The following ZNF490 variants were observed in gnomAD, a reference collection of about 807,000 sequenced individuals.
ZNF490 encodes zinc finger protein 490.
ZNF490 carries 11 observed loss-of-function variants against 17.7 expected under a neutral mutation model. The observed-to-expected ratio is 0.62, with a 90% CI of 0.39 to 1.03. ZNF490 has a LOEUF of 1.03. Among genes scored for constraint, ZNF490 ranks in the 50% least tolerant of loss-of-function variants. The probability of loss-of-function intolerance (pLI) is 0.00; values close to 1 mark genes in which losing one functional copy is unlikely to be tolerated. For synonymous variants in ZNF490, 222 were observed against 216.1 expected (o/e 1.03, Z -0.24); for missense variants, 542 against 643.4 (o/e 0.84, Z 1.71).
At chr19:12,599,328 T>G (rs2022975006) in intron 2 of ZNF490, among the ~76,000 whole-genome samples, 2 of 151,730 alleles carry the variant, frequency 1.3e-5, no homozygotes, top group Admixed American at 6.6e-5. Context: ...AAGAGGGATG[T>G]TTAGGACAAG....
chr19:12,609,248 G>T, intron 1 of ZNF490, 46 bp from the exon 2 acceptor site: 3 of 1,563,886 alleles, frequency 1.9e-6, no homozygotes, highest in South Asian at 2.2e-5. Context: ...CAGCAATTTA[G>T]AACTAAACAT....
chr19:12,608,149 T>G (rs1326833275), intron 2 of ZNF490, among the ~76,000 whole-genome samples: 1 of 152,170 alleles, frequency 6.6e-6, no homozygotes, highest in Non-Finnish European at 1.5e-5. Context: ...AGGGAACTGA[T>G]AGCAATGACA....
At chr19:12,597,031 G>T (rs2022942585) in intron 2 of ZNF490, 3 of 441,950 alleles carry the variant, frequency 6.8e-6, no homozygotes, top group South Asian at 4.7e-5. Flanking sequence ...TGCCGGCCCA[G>T]CCCCACGCTG....
rs1174101744 is a variant in ZNF490, at chr19:12,595,523, C to T, written c.163-11967G>A. ...TTGTGCCCTTCCTTCTTTAATCTTTCTCTGTTTTGTTTCTGTGGTCACTTG... is the reference window on the plus strand; with the variant it reads ...TTGTGCCCTTCCTTCTTTAATCTTTTTCTGTTTTGTTTCTGTGGTCACTTG... On this transcript the variant is annotated intron_variant, in intron 2 of 4. Transcript: ENST00000311437. Among the ~76,000 whole-genome samples the T allele has an allele frequency of 1.5e-4, 22 of 151,474 alleles. No homozygotes were observed. The East Asian group carries it at 3.7e-3, about 25-fold the overall frequency.
At chr19:12,589,044 A>G (rs2022835358) in intron 2 of ZNF490, among the ~76,000 whole-genome samples, 1 of 152,184 alleles carries the variant, frequency 6.6e-6, no homozygotes, top group African/African-American at 2.4e-5. Context: ...ATAACAGGCC[A>G]GGTATGGTGG....
chr19:12,582,202 G>C (rs2022744949), intron 4 of ZNF490, among the ~76,000 whole-genome samples: 1 of 151,546 alleles, frequency 6.6e-6, no homozygotes, highest in Admixed American at 6.6e-5. Flanking sequence ...CGCCCAGCCA[G>C]GATTTTTAAA....
At chr19:12,609,484 C>T (rs1461181064) in intron 1 of ZNF490, among the ~76,000 whole-genome samples, 2 of 152,074 alleles carry the variant, frequency 1.3e-5, no homozygotes, top group Non-Finnish European at 2.9e-5. Context: ...AAACTCTTAG[C>T]CTTGAGATCC....
chr19:12,609,848 G>T (rs2023122708), intron 1 of ZNF490: 2 of 431,168 alleles, frequency 4.6e-6, no homozygotes, highest in African/African-American at 2.1e-5. Context: ...ACAGAGAGGG[G>T]GGATGAGGGA....
At chr19:12,596,335 G>T (rs141041018) in intron 2 of ZNF490, among the ~76,000 whole-genome samples, 2 of 150,502 alleles carry the variant, frequency 1.3e-5, no homozygotes, top group African/African-American at 4.9e-5. Flanking sequence ...AATCTGTTTA[G>T]ATAAGGAATT....
intron 2 of ZNF490, among the ~76,000 whole-genome samples, chr19:12,589,199 A>G (rs1356816744): frequency 6.6e-6 from 1 of 152,108 alleles, no homozygotes; most frequent in East Asian, 1.9e-4. Context: ...GTACTCTAAA[A>G]TACAAAAATT....
At chr19:12,589,202 C>G (rs1307068587) in intron 2 of ZNF490, among the ~76,000 whole-genome samples, 2 of 151,720 alleles carry the variant, frequency 1.3e-5, no homozygotes, top group African/African-American at 4.8e-5. Flanking sequence ...CTCTAAAATA[C>G]AAAAATTAGC....
chr19:12,598,176 A>G (rs1015794686), intron 2 of ZNF490, among the ~76,000 whole-genome samples: 1 of 151,764 alleles, frequency 6.6e-6, no homozygotes, highest in African/African-American at 2.4e-5. Flanking sequence ...GTGAGCCAAG[A>G]TCGCGCCACT....
In ZNF490 at chr19:12,578,134, G is replaced by A; in HGVS notation, c.*2351C>T. The A allele has an allele frequency of 1.0e-6, 1 of 985,528 alleles. No individual in the cohort carries two copies. The highest frequency in any genetic ancestry group is 1.2e-6 in the Non-Finnish European group (1 of 830,020). The allele number at this position is 985,528 out of a possible 1,614,324, so 61.0% of individuals were successfully genotyped here. ...AAGTGCTAGTCTTAGCGGGAGGCTAGGAAACCAGTCCTGGAGCAGGATGCA... is the reference window on the plus strand; with the variant it reads ...AAGTGCTAGTCTTAGCGGGAGGCTAAGAAACCAGTCCTGGAGCAGGATGCA... On this transcript the variant is annotated 3_prime_UTR_variant, in exon 5 of 5. Coordinates refer to ENST00000311437, the MANE Select transcript of ZNF490 (RefSeq NM_020714.3).
chr19:12,590,902 C>T (rs1314299784), intron 2 of ZNF490, among the ~76,000 whole-genome samples: 1 of 147,350 alleles, frequency 6.8e-6, no homozygotes, highest in Non-Finnish European at 1.5e-5. Flanking sequence ...AACATAACAA[C>T]ACTCCATCTC....
Position 12,577,754 on chromosome 19 carries a change from C to T in ZNF490, c.*2731G>A, listed in dbSNP as rs761400201. The T allele has an allele frequency of 2.5e-5, 25 of 985,352 alleles. No individual in the cohort carries two copies. In the South Asian group the frequency reaches 5.2e-4, roughly 20 times the overall value. The allele number at this position is 985,352 out of a possible 1,614,324, so 61.0% of individuals were successfully genotyped here. On this transcript the variant is annotated 3_prime_UTR_variant, in exon 5 of 5. Coordinates refer to ENST00000311437, the MANE Select transcript of ZNF490 (RefSeq NM_020714.3). ...TGGAGGCCAGAGGCCTAAAGAGTTCCGACCCGAGCGACACAAAGATCACTT... is the reference window on the plus strand; with the variant it reads ...TGGAGGCCAGAGGCCTAAAGAGTTCTGACCCGAGCGACACAAAGATCACTT...
chr19:12,581,508 A>G lies in ZNF490; in HGVS notation c.567T>C (p.Tyr189=). The G allele has an allele frequency of 6.2e-7, 1 of 1,614,188 alleles. No individual in the cohort carries two copies. The stretch of plus-strand genomic sequence containing the variant: ...CTTTGCATTTATGTGGCTTCTCTCC[A>G]TATTCGTGACACTCATTTGGTTTCT... The part of the protein sequence containing the change: ...TEQKPNECHE[Y]GEKPHKCKEC... Residue 189 remains tyrosine (Y), a synonymous_variant, in exon 5 of 5, where the codon TAT becomes TAC. Transcript: ENST00000311437.
intron 2 of ZNF490, among the ~76,000 whole-genome samples, chr19:12,604,820 G>C (rs150141009): frequency 6.7e-6 from 1 of 148,618 alleles, no homozygotes; most frequent in Admixed American, 6.7e-5. Flanking sequence ...GCAAAACTCC[G>C]TCTCAAAAAA....
intron 2 of ZNF490, among the ~76,000 whole-genome samples, chr19:12,591,623 C>G (rs4414604): frequency 0.62 from 93,473 of 151,780 alleles, 29,589 homozygotes; most frequent in Non-Finnish European, 0.68. Context: ...AGCAGCACAT[C>G]AAAACATGCT....
In ZNF490 at chr19:12,610,657, A is replaced by G; in HGVS notation, c.24T>C (p.Ser8=). The G allele has an allele frequency of 6.2e-7, 1 of 1,613,850 alleles. No homozygotes were observed. Among genetic ancestry groups the G allele is most frequent in the African/African-American group, 1.3e-5 (1 of 74,948 alleles). MRRNSSL[S]FQMERPLEEQ... ...CCTCGAGGGGTCGCTCCATCTGGAA[A>G]CTGAGACTGGAATTCCTGCGCATCC... The change falls in exon 1 of 5, where the codon AGT becomes AGC. Residue 8 remains serine, a synonymous_variant. Transcript: ENST00000311437.
Sources: gnomAD v4.1 joint callset for allele counts (sites outside exome capture counted in the v4.1 genomes callset) on GRCh38, gnomAD v4.1.1 for gene constraint, MANE v1.5 for transcripts, NCBI Gene and HGNC (gene_info 2026-07-23, HGNC 2026-07-21) for gene names.